Variants in ENOX2 observed in about 807,000 individuals in gnomAD.
ENOX2 encodes the protein APK1 antigen.
Under a neutral mutation model 45.0 loss-of-function variants are expected in ENOX2, and 36 were observed. The ratio of observed to expected loss-of-function variants is 0.80; its 90% CI spans 0.61 to 1.06. The LOEUF is 1.06. Among genes scored for constraint, ENOX2 ranks in the 50% least tolerant of loss-of-function variants. The pLI, the probability that ENOX2 is intolerant of heterozygous loss-of-function variation, is 0.00. For missense variants in ENOX2, 423 were observed against 462.5 expected (o/e 0.91, Z 0.78); for synonymous variants, 174 against 152.3 (o/e 1.14, Z -1.05).
At chrX:130,726,633 A>G (rs1447545502) in intron 3 of ENOX2, among the ~76,000 whole-genome samples, 1 of 112,440 alleles carries the variant, frequency 8.9e-6, no homozygotes, top group Non-Finnish European at 1.9e-5. Flanking sequence ...CCAGGGGCAT[A>G]TCGTGCTGAC....
chrX:130,809,774 C>T (rs768286893), intron 2 of ENOX2, among the ~76,000 whole-genome samples: 4 of 109,321 alleles, frequency 3.7e-5, no homozygotes, highest in African/African-American at 1.3e-4. Context: ...TGTGCATGTG[C>T]GTGTGTGTAT....
intron 13 of ENOX2, among the ~76,000 whole-genome samples, chrX:130,629,219 T>C (rs374336922): frequency 2.5e-4 from 28 of 112,534 alleles, no homozygotes; most frequent in East Asian, 5.6e-4. Flanking sequence ...TTCTAAACAC[T>C]GATTCTGGCT....
intron 12 of ENOX2, among the ~76,000 whole-genome samples, chrX:130,631,867 C>G (rs1048506406): frequency 9.4e-6 from 1 of 106,810 alleles, no homozygotes; most frequent in African/African-American, 3.4e-5. Flanking sequence ...GCAACTAGAC[C>G]CAACATTTAT....
At chrX:130,877,976 T>C (rs757555496) in intron 2 of ENOX2, among the ~76,000 whole-genome samples, 2 of 112,216 alleles carry the variant, frequency 1.8e-5, no homozygotes, top group East Asian at 2.8e-4. Flanking sequence ...ATGGAAAACA[T>C]CTGCAATGAA....
chrX:130,766,646 T>C (rs1427354859), intron 3 of ENOX2, among the ~76,000 whole-genome samples: 1 of 111,644 alleles, frequency 9.0e-6, no homozygotes, highest in Non-Finnish European at 1.9e-5. Context: ...ATTTTCATTT[T>C]TCTTCATATG....
chrX:130,632,593 G>T (rs1322996685), intron 12 of ENOX2, among the ~76,000 whole-genome samples: 2 of 111,716 alleles, frequency 1.8e-5, no homozygotes, highest in Non-Finnish European at 3.8e-5. Flanking sequence ...TCCTTGGGGG[G>T]CAGATCATGG....
chrX:130,750,533 C>T (rs2039194890), intron 3 of ENOX2, among the ~76,000 whole-genome samples: 1 of 111,092 alleles, frequency 9.0e-6, no homozygotes, highest in Admixed American at 9.5e-5. Context: ...CTCTCACCCT[C>T]TTCCTCTCTC....
At chrX:130,898,743 T>C (rs946874751) in intron 2 of ENOX2, among the ~76,000 whole-genome samples, 1 of 109,649 alleles carries the variant, frequency 9.1e-6, no homozygotes, top group African/African-American at 3.3e-5. Flanking sequence ...TTTCTTTTTT[T>C]TTTTTTTGTT....
intron 2 of ENOX2, among the ~76,000 whole-genome samples, chrX:130,796,567 G>T (rs1250400182): frequency 9.0e-6 from 1 of 111,500 alleles, no homozygotes; most frequent in Admixed American, 9.5e-5. Context: ...CATAGTATTG[G>T]GATAAAGATG....
intron 3 of ENOX2, among the ~76,000 whole-genome samples, chrX:130,764,007 T>C (rs2039556321): frequency 9.0e-6 from 1 of 111,121 alleles, no homozygotes; most frequent in East Asian, 2.8e-4. Flanking sequence ...CTGTACCCAT[T>C]GGTGTTTCTG....
chrX:130,871,900 G>C (rs2078600083), intron 2 of ENOX2, among the ~76,000 whole-genome samples: 1 of 111,924 alleles, frequency 8.9e-6, no homozygotes, highest in Non-Finnish European at 1.9e-5. Flanking sequence ...TATCTTAAAA[G>C]AGGAGGTCAT....
At chrX:130,695,949 C>A (rs1195778674) in intron 4 of ENOX2, among the ~76,000 whole-genome samples, 1 of 111,863 alleles carries the variant, frequency 8.9e-6, no homozygotes, top group Non-Finnish European at 1.9e-5. Flanking sequence ...TGATTCTGGA[C>A]TTCTCACCAG....
At chrX:130,682,021 C>G (rs963432143) in intron 5 of ENOX2, among the ~76,000 whole-genome samples, 3 of 107,569 alleles carry the variant, frequency 2.8e-5, no homozygotes, top group Admixed American at 9.9e-5. Flanking sequence ...CACAACCCCC[C>G]CCCCCACCGA....
chrX:130,853,803 T>C (rs1275832680), intron 2 of ENOX2, among the ~76,000 whole-genome samples: 1 of 110,986 alleles, frequency 9.0e-6, no homozygotes, highest in Non-Finnish European at 1.9e-5. Context: ...AAAGGGGAGC[T>C]TCAACTTCCA....
At chrX:130,656,727 A>T in intron 9 of ENOX2, 32 bp from the exon 10 acceptor site, 1 of 803,540 alleles carries the variant, frequency 1.2e-6, no homozygotes, top group Non-Finnish European at 1.9e-6. Flanking sequence ...TTTAGGTGGG[A>T]ATTCCTTGAA....
chrX:130,840,985 G>A (rs1172883138), intron 2 of ENOX2, among the ~76,000 whole-genome samples: 1 of 112,270 alleles, frequency 8.9e-6, no homozygotes, highest in African/African-American at 3.2e-5. Flanking sequence ...CTATAAGACA[G>A]TGATAGAATC....
intron 3 of ENOX2, among the ~76,000 whole-genome samples, chrX:130,752,520 G>C (rs111889323): frequency 2.2e-3 from 238 of 110,127 alleles, no homozygotes; most frequent in African/African-American, 7.0e-3. Flanking sequence ...TCTTGTCTCA[G>C]TGTGTCTCTC....
chrX:130,764,761 G>A (rs1381277359), intron 3 of ENOX2, among the ~76,000 whole-genome samples: 1 of 111,598 alleles, frequency 9.0e-6, no homozygotes, highest in Non-Finnish European at 1.9e-5. Flanking sequence ...GTCATAATAT[G>A]CAGAGCTTAA....
chrX:130,732,835 T>C (rs1202005231), intron 3 of ENOX2, among the ~76,000 whole-genome samples: 5 of 110,496 alleles, frequency 4.5e-5, no homozygotes, highest in African/African-American at 1.6e-4. Context: ...TGCAAAAGAG[T>C]ACAATTGGAC....
Sources: gnomAD v4.1 joint callset for allele counts (sites outside exome capture counted in the v4.1 genomes callset) on GRCh38, gnomAD v4.1.1 for gene constraint, MANE v1.5 for transcripts, NCBI Gene and HGNC (gene_info 2026-07-23, HGNC 2026-07-21) for gene names.